The following PAFAH2 variants were observed in gnomAD, a reference collection of about 807,000 sequenced individuals.
PAFAH2 encodes platelet-activating factor acetylhydrolase 2, cytoplasmic.
In PAFAH2, 42 loss-of-function variants were observed where a neutral mutation model predicts 49.0. The observed-to-expected ratio is 0.86, with a 90% CI of 0.67 to 1.11. The LOEUF (loss-of-function observed/expected upper bound fraction) is 1.11. Ranked by LOEUF, PAFAH2 falls within the 50% of genes least tolerant of loss-of-function variation. The pLI is 0.00. For synonymous variants in PAFAH2, 184 were observed against 181.3 expected, an observed-to-expected ratio of 1.01 and a Z score of -0.12; for missense variants, 503 against 501.8, an observed-to-expected ratio of 1.00 and a Z score of -0.02.
intron 7 of PAFAH2, among the ~76,000 whole-genome samples, chr1:25,979,378 C>A (rs375601213): frequency 6.6e-6 from 1 of 150,394 alleles, no homozygotes; most frequent in African/African-American, 2.4e-5. Flanking sequence ...TGCAGTGGCA[C>A]AATCTTGGCT....
At chr1:25,981,849 CG>C (rs1168724867) in intron 7 of PAFAH2, among the ~76,000 whole-genome samples, 2 of 152,014 alleles carry the variant, frequency 1.3e-5, no homozygotes, top group African/African-American at 2.4e-5. Flanking sequence ...GGTGAAACCC[CG>C]TCTCTAGTAA....
At chr1:25,964,512 C>A (rs1253649348) in intron 10 of PAFAH2, among the ~76,000 whole-genome samples, 1 of 151,960 alleles carries the variant, frequency 6.6e-6, no homozygotes, top group Non-Finnish European at 1.5e-5. Flanking sequence ...TTGAGACCAG[C>A]CCAGGCAATA....
chr1:25,995,446 A>C (rs1468706440), intron 1 of PAFAH2, among the ~76,000 whole-genome samples: 3 of 152,180 alleles, frequency 2.0e-5, no homozygotes, highest in Non-Finnish European at 4.4e-5. Flanking sequence ...CTAGTGATCA[A>C]TTCGTTTGTA....
chr1:25,972,814 A>G, intron 9 of PAFAH2, 102 bp from the exon 10 acceptor site: 1 of 1,174,290 alleles, frequency 8.5e-7, no homozygotes, highest in Non-Finnish European at 1.2e-6. Flanking sequence ...GTATTATCAC[A>G]CTTTATTTTC....
chr1:25,983,947 T>C lies in PAFAH2; in HGVS notation c.551A>G (p.Gln184Arg), dbSNP rs146044926. The C allele has an allele frequency of 2.0e-4, 315 of 1,614,148 alleles. 1 individual carries two copies. The East Asian group carries it at 6.6e-3, about 34-fold the overall frequency. The change falls in exon 6 of 11, where the codon CAG (glutamine) becomes CGG (arginine). Residue 184 changes from glutamine (Q) to arginine (R), a missense_variant and splice_region_variant. Gln to Arg is a conservative substitution (Grantham distance 43, BLOSUM62 1). Coordinates refer to ENST00000374282, the MANE Select transcript of PAFAH2 (RefSeq NM_000437.4). The stretch of plus-strand genomic sequence containing the variant: ...CCTCCCCAACTGGCACAAACTTACC[T>C]GGGGATTCCGAACATGAAATTCCTT... ...GEKEFHVRNP[Q>R]VHQRVSECLR...
intron 6 of PAFAH2, among the ~76,000 whole-genome samples, chr1:25,983,334 G>A (rs116238292): frequency 1.1e-4 from 16 of 151,970 alleles, no homozygotes; most frequent in African/African-American, 2.9e-4. Flanking sequence ...CCATTGAGCC[G>A]TGTTGGTGCC....
intron 1 of PAFAH2, among the ~76,000 whole-genome samples, chr1:25,995,626 C>G (rs2124375658): frequency 6.6e-6 from 1 of 152,310 alleles, no homozygotes; most frequent in East Asian, 1.9e-4. Flanking sequence ...TACGATTTCA[C>G]TTGCTATAAT....
intron 7 of PAFAH2, among the ~76,000 whole-genome samples, chr1:25,979,880 C>T (rs974390756): frequency 7.9e-5 from 12 of 152,246 alleles, no homozygotes; most frequent in Non-Finnish European, 1.5e-5. Context: ...CCCGACTCAG[C>T]CTCCCAAACT....
rs142237105 is a variant in PAFAH2 at position 25,971,537 on chromosome 1, T to C, written c.1084+1021A>G. Among the ~76,000 whole-genome samples, 398 of 151,878 alleles carry C rather than the reference T, an allele frequency of 2.6e-3. 2 individuals are homozygous for C. Among genetic ancestry groups the C allele is most frequent in the African/African-American group, 8.1e-3 (334 of 41,432 alleles). On this transcript the variant is annotated intron_variant, in intron 10 of 10. Transcript: ENST00000374282. Reference sequence around the variant, plus strand: ...ACCACAGAGCAGAAAAAAAAATGCATAACGGAACAAAGAAAAAGAGATGTC... The same window carrying C: ...ACCACAGAGCAGAAAAAAAAATGCACAACGGAACAAAGAAAAAGAGATGTC...
intron 10 of PAFAH2, among the ~76,000 whole-genome samples, chr1:25,971,065 C>T (rs371418209): frequency 7.2e-5 from 11 of 152,144 alleles, no homozygotes; most frequent in African/African-American, 2.4e-4. Context: ...TAGGGAACTG[C>T]CAGGTGCCGT....
In PAFAH2 at chr1:25,984,076, G is replaced by A. The variant is rs139003969; in HGVS notation, c.422C>T (p.Ala141Val). The A allele has an allele frequency of 2.2e-4, 351 of 1,613,818 alleles. 2 individuals are homozygous for A. Among genetic ancestry groups the A allele is most frequent in the Middle Eastern group, 1.6e-3 (10 of 6,082 alleles). ...VAVPEHRDRS[A>V]ATTYFCKQAP... Reference sequence around the variant, plus strand: ...CTGCTTGCAGAAATAGGTGGTTGCCGCTGACCGGTCCCTGAAATACACACA... The same window carrying A: ...CTGCTTGCAGAAATAGGTGGTTGCCACTGACCGGTCCCTGAAATACACACA... The change falls in exon 6 of 11, where the codon GCG becomes GTG. Residue 141 changes from alanine (A) to valine (V), a missense_variant. Transcript: ENST00000374282.
chr1:25,984,845 CTTTTTT>C (rs34522205), intron 4 of PAFAH2, among the ~76,000 whole-genome samples: 2 of 104,280 alleles, frequency 1.9e-5, no homozygotes, highest in African/African-American at 7.3e-5. Flanking sequence ...AGAGAGATTT[CTTTTTT>C]TTTTTTTTTT....
chr1:25,991,842 G>A (rs1441086293), intron 1 of PAFAH2, among the ~76,000 whole-genome samples: 6 of 151,988 alleles, frequency 3.9e-5, no homozygotes, highest in Non-Finnish European at 5.9e-5. Flanking sequence ...GCAGTGAGCC[G>A]AGATTGCACC....
chr1:25,989,999 G>GC (rs2049849990), intron 2 of PAFAH2, among the ~76,000 whole-genome samples: 1 of 152,080 alleles, frequency 6.6e-6, no homozygotes, highest in South Asian at 2.1e-4. Flanking sequence ...CTCTAGGACA[G>GC]CCCCTGGGAA....
chr1:25,996,444 C>A (rs966632593), intron 1 of PAFAH2, among the ~76,000 whole-genome samples: 1 of 152,004 alleles, frequency 6.6e-6, no homozygotes, highest in Non-Finnish European at 1.5e-5. Context: ...TCGAGACCAT[C>A]CTGGCTAACA....
At position 25,974,655 on chromosome 1, in the gene PAFAH2, A is replaced by T. The variant is rs1433845037; in HGVS notation, c.759-5T>A. 1 of 1,611,010 alleles carries T rather than the reference A, an allele frequency of 6.2e-7. No individual in the cohort carries two copies. Among genetic ancestry groups the T allele is most frequent in the African/African-American group, 1.3e-5 (1 of 74,754 alleles). ...GCATCCAGAGCCACCGCACACCTGGAATAGGACCAGACATTTGGAATTGCC... is the reference window on the plus strand; with the variant it reads ...GCATCCAGAGCCACCGCACACCTGGTATAGGACCAGACATTTGGAATTGCC... On this transcript the variant is annotated splice_region_variant and splice_polypyrimidine_tract_variant and intron_variant, in intron 8 of 10. Transcript: ENST00000374282.
Position 25,961,854 on chromosome 1 carries a change from C to T in PAFAH2, c.*135G>A, listed in dbSNP as rs1276324953. On this transcript the variant is annotated 3_prime_UTR_variant, in exon 11 of 11. Coordinates refer to ENST00000374282, the MANE Select transcript of PAFAH2 (RefSeq NM_000437.4). The stretch of plus-strand genomic sequence containing the variant: ...AGATCAAAGTACCCAGTTATCCAAG[C>T]AGCAGTGTGATTACACCTTTCAATC... 3.3e-5 allele frequency: 20 copies of T among 604,156 alleles called. No homozygotes were observed. The East Asian group carries it at 5.5e-4, about 17-fold the overall frequency. 37.4% of individuals were successfully genotyped at this position (604,156 alleles called of 1,614,324 possible).
chr1:25,984,356 G>T, intron 5 of PAFAH2, 104 bp downstream of exon 5: 1 of 892,908 alleles, frequency 1.1e-6, no homozygotes, highest in Non-Finnish European at 1.8e-6. Flanking sequence ...GTATAATGCT[G>T]GCTTGCACGG....
At position 25,988,259 on chromosome 1, in the gene PAFAH2, T is replaced by C. The variant is rs2049814927; in HGVS notation, c.313A>G (p.Ile105Val). 1 of 1,607,932 alleles carries C rather than the reference T, an allele frequency of 6.2e-7. No individual in the cohort carries two copies. Residue 105 changes from isoleucine (I) to valine (V), a missense_variant, in exon 4 of 11, where the codon ATC becomes GTC. Ile to Val is a conservative substitution (Grantham distance 29). Transcript: ENST00000374282. ...KTKDSGYPLI[I>V]FSHGLGAFRT... is the part of the protein sequence containing the mutation. Reference sequence around the variant, plus strand: ...AAGGCTCCTAGGCCATGGGAGAAGATGATCAAGGGGTATCCAGAGTCCTTT... The same window carrying C: ...AAGGCTCCTAGGCCATGGGAGAAGACGATCAAGGGGTATCCAGAGTCCTTT...
Sources: gnomAD v4.1 joint callset for allele counts (sites outside exome capture counted in the v4.1 genomes callset) on GRCh38, gnomAD v4.1.1 for gene constraint, MANE v1.5 for transcripts, NCBI Gene and HGNC (gene_info 2026-07-23, HGNC 2026-07-21) for gene names.